CD81: variants seen among roughly 807,000 people sequenced by gnomAD.
CD81 encodes the protein CD81 molecule, also known as CD81 antigen.
A neutral mutation model predicts 30.1 loss-of-function variants in CD81; 10 were observed. The ratio of observed to expected loss-of-function variants is 0.33; its 90% confidence interval spans 0.21 to 0.56. The LOEUF (loss-of-function observed/expected upper bound fraction) is 0.56. CD81 is among the 20% of genes least tolerant of loss of function. CD81 has a pLI of 0.89. For missense variants in CD81, 263 were observed against 308.7 expected (o/e 0.85, Z 1.11); for synonymous variants, 147 against 126.4 (o/e 1.16, Z -1.10).
chr11:2,397,289 T>A lies in CD81; in HGVS notation c.*423T>A, dbSNP rs1295576864. 3.6e-6 allele frequency: 1 copy of A among 280,692 alleles called. No individual in the cohort carries two copies. The highest frequency in any genetic ancestry group is 6.9e-6 in the Non-Finnish European group (1 of 144,242). The allele number at this position is 280,692 out of a possible 1,614,324, so 17.4% of individuals were successfully genotyped here. A position where few individuals can be genotyped will look rare whatever the true frequency, so the allele number is the denominator to read the frequency against. On this transcript the variant is annotated 3_prime_UTR_variant, in exon 8 of 8. Transcript: ENST00000263645. ...TGCCCCGGTTCGAGAGCCGAGTCTG[T>A]GGGCACTCTCTGCCTTCATGCACCT...
chr11:2,390,143 G>A (rs768388584), intron 1 of CD81: 83 of 578,724 alleles, frequency 1.4e-4, no homozygotes, highest in Non-Finnish European at 2.2e-4. Context: ...CCGGCGTCCC[G>A]TGTCTTCCTG....
rs1010648811 is a variant in CD81, at chr11:2,378,975, C to G, written c.66+1360C>G. Among the ~76,000 whole-genome samples the G allele has an allele frequency of 2.6e-5, 4 of 152,206 alleles. No homozygotes were observed. Among genetic ancestry groups the G allele is most frequent in the Non-Finnish European group, 4.4e-5 (3 of 68,034 alleles). On this transcript the variant is annotated intron_variant, in intron 1 of 7. Transcript: ENST00000263645. The surrounding 1 kb of genome is among the most constrained non-coding windows in gnomAD (Gnocchi z 4.9). The stretch of plus-strand genomic sequence containing the variant: ...CAGTCACATCCCACCTTCCCCAAGC[C>G]GGGCTGTTCTGCACAGCCTGCTTGG...
At chr11:2,393,623 T>G (rs1425576159) in intron 2 of CD81, 10 of 525,586 alleles carry the variant, frequency 1.9e-5, no homozygotes, top group Admixed American at 3.3e-5. Flanking sequence ...TGGTTCCAGT[T>G]CCGGTTCCTG....
At chr11:2,381,785 G>A (rs1029365367) in intron 1 of CD81, among the ~76,000 whole-genome samples, 2 of 152,220 alleles carry the variant, frequency 1.3e-5, no homozygotes, top group African/African-American at 4.8e-5. Context: ...CCCTGCAGGT[G>A]TCCGCCTTGT....
In CD81 at chr11:2,391,029, G is replaced by A. The variant is rs1183372400; in HGVS notation, c.181+503G>A. ...GCAGCTGCACCTTGCTGCCTTATTAGGCTGCGTGTGGGGGACTGGGCTGCC... is the reference window on the plus strand; with the variant it reads ...GCAGCTGCACCTTGCTGCCTTATTAAGCTGCGTGTGGGGGACTGGGCTGCC... On this transcript the variant is annotated intron_variant, in intron 2 of 7. Coordinates refer to ENST00000263645, the MANE Select transcript of CD81 (RefSeq NM_004356.4). 8 of 226,368 alleles carry A rather than the reference G, an allele frequency of 3.5e-5. No homozygotes were observed. The South Asian group carries it at 4.4e-4, about 12-fold the overall frequency. 14.0% of individuals were successfully genotyped at this position (226,368 alleles called of 1,614,324 possible).
chr11:2,394,464 G>A (rs189035159), intron 3 of CD81, among the ~76,000 whole-genome samples: 4 of 152,334 alleles, frequency 2.6e-5, no homozygotes, highest in South Asian at 2.1e-4. Context: ...CAGCCTCGGC[G>A]TCCCGGGCAC....
chr11:2,395,086 G>C (rs369844616), intron 4 of CD81, 40 bp downstream of exon 4: 12 of 1,505,722 alleles, frequency 8.0e-6, no homozygotes, highest in Admixed American at 3.3e-5. Flanking sequence ...GGTGGGTGAC[G>C]GGGGCACCCT....
chr11:2,377,778 C>A lies in CD81; in HGVS notation c.66+163C>A. ...CGGGGTGGGGGGTCGCCCGGGGCCA[C>A]CGCGCCCCCCGACATTGGGGCTGAG... On this transcript the variant is annotated intron_variant, in intron 1 of 7. Transcript: ENST00000263645. The surrounding 1 kb of genome is among the most constrained non-coding windows in gnomAD (Gnocchi z 7.7). The A allele has an allele frequency of 3.3e-6, 1 of 299,082 alleles. No individual in the cohort carries two copies. The highest frequency in any genetic ancestry group is 6.2e-6 in the Non-Finnish European group (1 of 160,522). The allele number at this position is 299,082 out of a possible 1,614,324, so 18.5% of individuals were successfully genotyped here.
chr11:2,386,142 C>A (rs1394008234), intron 1 of CD81: 1 of 717,414 alleles, frequency 1.4e-6, no homozygotes, highest in East Asian at 2.7e-5. Flanking sequence ...CCTGGGTTTC[C>A]TGGTCCCTGG....
intron 2 of CD81, 67 bp from the exon 3 acceptor site, chr11:2,394,028 G>A (rs749033788): frequency 7.8e-7 from 1 of 1,279,632 alleles, no homozygotes; most frequent in East Asian, 2.3e-5. Context: ...TCGGCACCCA[G>A]GACCCTCCGG....
intron 1 of CD81, 62 bp from the exon 2 acceptor site, chr11:2,390,350 G>GGAC: frequency 7.7e-7 from 1 of 1,297,168 alleles, no homozygotes; most frequent in Non-Finnish European, 1.1e-6. Flanking sequence ...TGCGTGTGGG[G>GGAC]TGGGCGCACT....
intron 1 of CD81, among the ~76,000 whole-genome samples, chr11:2,388,074 TC>T (rs912980593): frequency 6.6e-6 from 1 of 152,090 alleles, no homozygotes; most frequent in African/African-American, 2.4e-5. Context: ...TGAGACAGGG[TC>T]TTGCTCTGTC....
chr11:2,388,708 C>T (rs935484537), intron 1 of CD81, among the ~76,000 whole-genome samples: 4 of 151,214 alleles, frequency 2.6e-5, no homozygotes, highest in Admixed American at 2.0e-4. Flanking sequence ...TGGCATTCTC[C>T]GCCAGGGGGG....
chr11:2,377,836 C>T lies in CD81; in HGVS notation c.66+221C>T, dbSNP rs974703183. On this transcript the variant is annotated intron_variant, in intron 1 of 7. Coordinates refer to ENST00000263645, the MANE Select transcript of CD81 (RefSeq NM_004356.4). This position sits in a 1 kb window ranked among gnomAD's most constrained non-coding sequence, Gnocchi z 7.7. ...AGCCGAGTTTCGGGGCCTCTGTGCT[C>T]GGGGGCCCACCTCTGCGGCCGGGCC... 6 of 257,064 alleles carry T rather than the reference C, an allele frequency of 2.3e-5. No homozygotes were observed. The highest frequency in any genetic ancestry group is 3.7e-5 in the Non-Finnish European group (5 of 133,860). 15.9% of individuals were successfully genotyped at this position (257,064 alleles called of 1,614,324 possible).
upstream of CD81, chr11:2,376,306 G>A (rs888378215): frequency 6.6e-6 from 1 of 152,272 alleles, no homozygotes; most frequent in Non-Finnish European, 1.5e-5. Context: ...CACTTGCCAA[G>A]ACGAGCTGGC....
rs1850025154 is a variant in CD81 at position 2,397,022 on chromosome 11, T to A, written c.*156T>A. 1.3e-6 allele frequency: 1 copy of A among 744,302 alleles called. No homozygotes were observed. Among genetic ancestry groups the A allele is most frequent in the Non-Finnish European group, 2.3e-6 (1 of 436,738 alleles). The allele number at this position is 744,302 out of a possible 1,614,324, so 46.1% of individuals were successfully genotyped here. ...TTGGGGTTTTGTTTTTGTTCTGAAC[T>A]TTCCTGTTACCTTTTCAGGGCTGAC... On this transcript the variant is annotated 3_prime_UTR_variant, in exon 8 of 8. Transcript: ENST00000263645.
At position 2,397,286 on chromosome 11, in the gene CD81, C is replaced by G; in HGVS notation, c.*420C>G. On this transcript the variant is annotated 3_prime_UTR_variant, in exon 8 of 8. Coordinates refer to ENST00000263645, the MANE Select transcript of CD81 (RefSeq NM_004356.4). ...TCCTGCCCCGGTTCGAGAGCCGAGT[C>G]TGTGGGCACTCTCTGCCTTCATGCA... 1 of 281,358 alleles carries G rather than the reference C, an allele frequency of 3.6e-6. No individual in the cohort carries two copies. The highest frequency in any genetic ancestry group is 3.7e-5 in the South Asian group (1 of 26,906). The allele number at this position is 281,358 out of a possible 1,614,324, so 17.4% of individuals were successfully genotyped here.
rs1209155590 is a variant in CD81, at chr11:2,378,973, G to C, written c.66+1358G>C. On this transcript the variant is annotated intron_variant, in intron 1 of 7. Coordinates refer to ENST00000263645, the MANE Select transcript of CD81 (RefSeq NM_004356.4). The surrounding 1 kb of genome is among the most constrained non-coding windows in gnomAD (Gnocchi z 4.9). ...GGCAGTCACATCCCACCTTCCCCAA[G>C]CCGGGCTGTTCTGCACAGCCTGCTT... is the stretch of plus-strand genomic sequence containing the variant. Among the ~76,000 whole-genome samples, 2 of 152,236 alleles carry C rather than the reference G, an allele frequency of 1.3e-5. No homozygotes were observed. The highest frequency in any genetic ancestry group is 2.4e-5 in the African/African-American group (1 of 41,470).
intron 1 of CD81, 143 bp from the exon 2 acceptor site, chr11:2,390,269 C>G: frequency 1.3e-6 from 1 of 756,034 alleles, no homozygotes; most frequent in East Asian, 2.5e-5. Flanking sequence ...CAGGGCATTG[C>G]GAAAACCAGC....
Sources: allele counts gnomAD v4.1 joint callset (sites outside exome capture counted in the v4.1 genomes callset), GRCh38; gene constraint gnomAD v4.1.1; non-coding constraint Gnocchi (gnomAD v3.1); transcripts MANE v1.5; gene names NCBI Gene and HGNC (gene_info 2026-07-23, HGNC 2026-07-21).